The following CCSER1 variants were observed in gnomAD, a reference collection of about 807,000 sequenced individuals.
CCSER1 encodes the protein serine-rich coiled-coil domain-containing protein 1.
Under a neutral mutation model 82.0 loss-of-function variants are expected in CCSER1, and 41 were observed. That is an observed-to-expected ratio of 0.50 (90% CI 0.39 to 0.65). The LOEUF (loss-of-function observed/expected upper bound fraction) is 0.65, where lower values mean the gene tolerates loss of function less well. CCSER1 is among the 30% of genes least tolerant of loss of function. The pLI is 0.00. For missense variants in CCSER1, 1,119 were observed against 1,064.2 expected, an observed-to-expected ratio of 1.05 and a Z score of -0.72; for synonymous variants, 414 against 383.9, an observed-to-expected ratio of 1.08 and a Z score of -0.92.
At position 91,008,004 on chromosome 4, in the gene CCSER1, C is replaced by T. The variant is rs139263191; in HGVS notation, c.2173-77946C>T. Among the ~76,000 whole-genome samples, 850 of 152,060 alleles carry T rather than the reference C, an allele frequency of 5.6e-3. 1 individual carries two copies. Among genetic ancestry groups the T allele is most frequent in the African/African-American group, 0.019 (807 of 41,492 alleles). On this transcript the variant is annotated intron_variant, in intron 9 of 10. Coordinates refer to ENST00000509176, the MANE Select transcript of CCSER1 (RefSeq NM_001145065.2). ...TTAATTTCTTAGTTGACCCATTGGC[C>T]GCCAAGAGTGTGATGTTTAATTTCC...
chr4:90,745,775 C>T (rs1747337560), intron 7 of CCSER1, among the ~76,000 whole-genome samples: 1 of 149,770 alleles, frequency 6.7e-6, no homozygotes, highest in Non-Finnish European at 1.5e-5. Context: ...CTGCAAGCTC[C>T]GCCTCCTGGG....
chr4:90,408,411 G>C (rs1754100146), intron 4 of CCSER1, among the ~76,000 whole-genome samples: 1 of 152,168 alleles, frequency 6.6e-6, no homozygotes, highest in Non-Finnish European at 1.5e-5. Flanking sequence ...ACCTCACACG[G>C]CCGGATACTC....
At chr4:90,988,945 A>G (rs1218859139) in intron 9 of CCSER1, among the ~76,000 whole-genome samples, 1 of 151,768 alleles carries the variant, frequency 6.6e-6, no homozygotes, top group Non-Finnish European at 1.5e-5. Context: ...AGACTTGGCT[A>G]GACACAGCAT....
rs188327349 is a variant in CCSER1 at position 91,000,196 on chromosome 4, A to T, written c.2172+76749A>T. ...TAGTATAGGTTATATAGGCTAATGC[A>T]TAGTATAGTATAGTATAGTATAGGT... On this transcript the variant is annotated intron_variant, in intron 9 of 10. Coordinates refer to ENST00000509176, the MANE Select transcript of CCSER1 (RefSeq NM_001145065.2). Among the ~76,000 whole-genome samples, 470 of 141,102 alleles carry T rather than the reference A, an allele frequency of 3.3e-3. 4 individuals carry two copies. Among genetic ancestry groups the T allele is most frequent in the Middle Eastern group, 7.7e-3 (2 of 260 alleles). The allele number at this position is 141,102 out of a possible 152,430, so 92.6% of individuals were successfully genotyped here. A position where few individuals can be genotyped will look rare whatever the true frequency, so the allele number is the denominator to read the frequency against.
chr4:91,490,115 A>G (rs1020801519), intron 10 of CCSER1, among the ~76,000 whole-genome samples: 1 of 152,186 alleles, frequency 6.6e-6, no homozygotes, highest in Non-Finnish European at 1.5e-5. Flanking sequence ...AATGTGGAGA[A>G]AAGGGAGCCT....
At chr4:91,112,592 A>G (rs968282976) in intron 10 of CCSER1, 1 of 152,114 alleles carries the variant, frequency 6.6e-6, no homozygotes, top group South Asian at 2.1e-4. Context: ...CATTGAATCA[A>G]CCATACTTCT....
intron 4 of CCSER1, among the ~76,000 whole-genome samples, chr4:90,467,459 G>A (rs1027386224): frequency 3.3e-5 from 5 of 152,206 alleles, no homozygotes; most frequent in Admixed American, 3.3e-4. Flanking sequence ...GCTGAGGCGG[G>A]CCGATCTCGA....
rs373698259 is a variant in CCSER1, at chr4:90,350,246, G to GA, written c.1509+37205dup. Among the ~76,000 whole-genome samples the GA allele has an allele frequency of 2.7e-3, 406 of 152,186 alleles. 2 individuals are homozygous for GA. The highest frequency in any genetic ancestry group is 9.5e-3 in the African/African-American group (394 of 41,542). ...AACTGAGCATTCAAATATGTATGTGGAAAAAAGAGGGTGCAGGTAAACCCA... is the reference window on the plus strand; with the variant it reads ...AACTGAGCATTCAAATATGTATGTGGAAAAAAAGAGGGTGCAGGTAAACCCA... On this transcript the variant is annotated intron_variant, in intron 3 of 10. Coordinates refer to ENST00000509176, the MANE Select transcript of CCSER1 (RefSeq NM_001145065.2).
chr4:91,429,869 ATATTC>A (rs1319243771), intron 10 of CCSER1, among the ~76,000 whole-genome samples: 18 of 151,994 alleles, frequency 1.2e-4, no homozygotes, highest in Non-Finnish European at 8.8e-5. Flanking sequence ...TAAGATAAGT[ATATTC>A]TATACTAGAA....
At chr4:91,408,031 T>C (rs1391328695) in intron 10 of CCSER1, among the ~76,000 whole-genome samples, 1 of 151,696 alleles carries the variant, frequency 6.6e-6, no homozygotes, top group African/African-American at 2.4e-5. Context: ...CTGATAGTGC[T>C]CCAGGCCAGT....
intron 3 of CCSER1, among the ~76,000 whole-genome samples, chr4:90,351,702 G>T (rs1015216009): frequency 3.9e-5 from 6 of 152,020 alleles, no homozygotes; most frequent in African/African-American, 9.7e-5. Context: ...TTATGGACTG[G>T]GTAGTAATGA....
intron 7 of CCSER1, chr4:90,727,145 C>T: frequency 2.3e-6 from 1 of 435,684 alleles, no homozygotes; most frequent in Middle Eastern, 3.5e-4. Context: ...TTGTTATGGG[C>T]ATCTATTTGG....
intron 8 of CCSER1, among the ~76,000 whole-genome samples, chr4:90,841,593 A>G (rs1365563338): frequency 2.0e-5 from 3 of 151,684 alleles, no homozygotes; most frequent in Admixed American, 2.0e-4. Context: ...AAAAAAAAAA[A>G]AAAAAGAAGA....
chr4:90,655,378 C>G lies in CCSER1; in HGVS notation c.1932+27146C>G, dbSNP rs534130362. Among the ~76,000 whole-genome samples, 6 of 152,100 alleles carry G rather than the reference C, an allele frequency of 3.9e-5. No homozygotes were observed. In the East Asian group the frequency reaches 1.2e-3, roughly 29 times the overall value. On this transcript the variant is annotated intron_variant, in intron 6 of 10. Transcript: ENST00000509176. ...TGTTTTGTGAGATGACAGTAACAGT[C>G]TAGTGTTTTCATGGCTTTTGATAGT...
Position 90,939,742 on chromosome 4 carries a change from G to A in CCSER1, c.2172+16295G>A, listed in dbSNP as rs115029198. ...TCAATCATTATGTAACATGTATTAT[G>A]AATCATAAATGCTGGGTGCAAAACA... On this transcript the variant is annotated intron_variant, in intron 9 of 10. Transcript: ENST00000509176. Among the ~76,000 whole-genome samples, 1,188 of 152,176 alleles carry A rather than the reference G, an allele frequency of 7.8e-3. 10 individuals carry two copies. The highest frequency in any genetic ancestry group is 0.028 in the African/African-American group (1,155 of 41,538).
chr4:90,474,280 A>T (rs1764779885), intron 5 of CCSER1, among the ~76,000 whole-genome samples: 1 of 152,174 alleles, frequency 6.6e-6, no homozygotes, highest in Non-Finnish European at 1.5e-5. Context: ...TCGAGCTAAC[A>T]TCCACAGGCT....
intron 8 of CCSER1, among the ~76,000 whole-genome samples, chr4:90,869,756 T>C (rs1369171715): frequency 6.6e-6 from 1 of 151,896 alleles, no homozygotes; most frequent in Non-Finnish European, 1.5e-5. Context: ...CATCGGTATT[T>C]TGCTCAGGAC....
At chr4:91,031,312 C>G (rs1740961955) in intron 9 of CCSER1, among the ~76,000 whole-genome samples, 1 of 152,136 alleles carries the variant, frequency 6.6e-6, no homozygotes, top group African/African-American at 2.4e-5. Flanking sequence ...GCCTGGAATA[C>G]TCCCTTTGTC....
At chr4:91,075,416 T>A (rs1219331858) in intron 9 of CCSER1, among the ~76,000 whole-genome samples, 1 of 152,140 alleles carries the variant, frequency 6.6e-6, no homozygotes, top group African/African-American at 2.4e-5. Context: ...AGAGTATTTT[T>A]AAATATGCTT....
Sources: allele counts gnomAD v4.1 joint callset (sites outside exome capture counted in the v4.1 genomes callset), GRCh38; gene constraint gnomAD v4.1.1; transcripts MANE v1.5; gene names NCBI Gene and HGNC (gene_info 2026-07-23, HGNC 2026-07-21).